Variants in SUPT16H observed in about 807,000 individuals in gnomAD.
The protein encoded by SUPT16H is SPT16 homolog, facilitates chromatin remodeling subunit.
A neutral mutation model predicts 136.2 loss-of-function variants in SUPT16H; 24 were observed. The observed-to-expected ratio is 0.18, with a 90% CI of 0.13 to 0.25. SUPT16H has a LOEUF of 0.25. Ranked by LOEUF, SUPT16H falls within the 10% of genes least tolerant of loss-of-function variation. The pLI, the probability that SUPT16H is intolerant of heterozygous loss-of-function variation, is 1.00. For missense variants in SUPT16H, 623 were observed against 1,270.2 expected (o/e 0.49, Z 7.74); for synonymous variants, 415 against 428.2 (o/e 0.97, Z 0.38).
intron 1 of SUPT16H, among the ~76,000 whole-genome samples, chr14:21,379,926 A>G (rs1468573854): frequency 2.0e-5 from 3 of 151,928 alleles, no homozygotes; most frequent in Non-Finnish European, 4.4e-5. Context: ...ACCTTTCTCT[A>G]TCCCACTCCA....
At chr14:21,370,164 GAAGA>G (rs1380243170) in intron 4 of SUPT16H, among the ~76,000 whole-genome samples, 168 bp downstream of exon 4, 3 of 152,128 alleles carry the variant, frequency 2.0e-5, no homozygotes, top group Admixed American at 6.5e-5. Context: ...AAGGCAGATA[GAAGA>G]AAGGCAGGGA....
In SUPT16H at chr14:21,369,927, T is replaced by A. The variant is rs1201960506; in HGVS notation, c.484-31A>T. The A allele has an allele frequency of 2.5e-6, 4 of 1,608,702 alleles. No homozygotes were observed. The South Asian group carries it at 4.4e-5, about 18-fold the overall frequency. On this transcript the variant is annotated intron_variant, in intron 4 of 25. Coordinates refer to ENST00000216297, the MANE Select transcript of SUPT16H (RefSeq NM_007192.4). Reference sequence around the variant, plus strand: ...GTCAAAGTGACAAGAGTTTCTAACATGCAAGTACAGAATTACAAAATAAAT... The same window carrying A: ...GTCAAAGTGACAAGAGTTTCTAACAAGCAAGTACAGAATTACAAAATAAAT...
At chr14:21,370,695 C>G (rs895450728) in intron 3 of SUPT16H, among the ~76,000 whole-genome samples, 2 of 152,142 alleles carry the variant, frequency 1.3e-5, no homozygotes, top group Non-Finnish European at 2.9e-5. Context: ...CTTACTGCAA[C>G]CTCGAACTCC....
intron 6 of SUPT16H, 30 bp from the exon 7 acceptor site, chr14:21,368,471 C>T: frequency 6.4e-7 from 1 of 1,574,640 alleles, no homozygotes; most frequent in South Asian, 1.2e-5. Flanking sequence ...GAAAACATTT[C>T]ATTACCAAAA....
chr14:21,383,720 T>C (rs1297835430), intron 1 of SUPT16H, 142 bp downstream of exon 1: 1 of 929,254 alleles, frequency 1.1e-6, no homozygotes, highest in Admixed American at 1.9e-5. Flanking sequence ...CCGCCTCCGG[T>C]GAATGATTCG....
intron 22 of SUPT16H, among the ~76,000 whole-genome samples, chr14:21,356,169 AAG>A (rs1411327018): frequency 2.0e-5 from 3 of 152,166 alleles, no homozygotes; most frequent in African/African-American, 7.2e-5. Context: ...TACAGGAAGG[AAG>A]AGTTTCCCAG....
At chr14:21,360,388 G>A in intron 18 of SUPT16H, 27 bp downstream of exon 18, 1 of 1,519,492 alleles carries the variant, frequency 6.6e-7, no homozygotes, top group Non-Finnish European at 9.1e-7. Flanking sequence ...CCCAAGAGCT[G>A]ACAGCTAGTT....
chr14:21,354,633 C>T (rs141728466), intron 22 of SUPT16H, 93 bp from the exon 23 acceptor site: 31,317 of 1,492,266 alleles, frequency 0.021, 385 homozygotes, highest in Non-Finnish European at 0.024. Context: ...GCTCTGTTGC[C>T]CAGGCTGGAG....
Position 21,369,772 on chromosome 14 carries a change from A to G in SUPT16H, c.608T>C (p.Met203Thr). ...TACCTCATCTGCATCAACTATTTCCATGACTCTTTCCTTGAAGAATTTGTT... is the reference window on the plus strand; with the variant it reads ...TACCTCATCTGCATCAACTATTTCCGTGACTCTTTCCTTGAAGAATTTGTT... ...VFNKFFKERVMEIVDADEKVR... is the reference protein window; with the variant it reads ...VFNKFFKERVTEIVDADEKVR... The change falls in exon 5 of 26, where the codon ATG becomes ACG. Residue 203 changes from methionine to threonine, a missense_variant. Around this residue, in one of 7 missense-constraint regions of SUPT16H, gnomAD observed 343 missense variants for 525.7 expected, o/e 0.65. Transcript: ENST00000216297. The G allele has an allele frequency of 1.2e-6, 2 of 1,614,026 alleles. No individual in the cohort carries two copies. The highest frequency in any genetic ancestry group is 1.7e-6 in the Non-Finnish European group (2 of 1,179,924).
chr14:21,373,058 C>T (rs1002780971), intron 2 of SUPT16H, among the ~76,000 whole-genome samples: 1 of 152,292 alleles, frequency 6.6e-6, no homozygotes, highest in Non-Finnish European at 1.5e-5. Flanking sequence ...ATCCTCCCAT[C>T]TCAGCCTCCT....
Position 21,361,070 on chromosome 14 carries a change from A to G in SUPT16H, c.1929+8T>C, listed in dbSNP as rs1020124246. 6 of 1,613,362 alleles carry G rather than the reference A, an allele frequency of 3.7e-6. No individual in the cohort carries two copies. The highest frequency in any genetic ancestry group is 1.7e-5 in the Admixed American group (1 of 59,740). On this transcript the variant is annotated splice_region_variant and intron_variant, in intron 16 of 25. Transcript: ENST00000216297. ...GTGTAAGAATGTTTTGCCTGTGTTC[A>G]GGCTCACCTCCTTCTCTTTCTCTTC...
chr14:21,383,792 C>T (rs776916065), intron 1 of SUPT16H, 70 bp downstream of exon 1: 3 of 1,560,270 alleles, frequency 1.9e-6, no homozygotes, highest in Non-Finnish European at 1.8e-6. Context: ...GAAAAAAGGG[C>T]GCCGAGAAAC....
At chr14:21,377,211 A>G (rs547188585) in intron 1 of SUPT16H, among the ~76,000 whole-genome samples, 1 of 152,350 alleles carries the variant, frequency 6.6e-6, no homozygotes, top group East Asian at 1.9e-4. Flanking sequence ...ATAATGCACC[A>G]TCCTAGGACT....
Position 21,367,138 on chromosome 14 carries a change from G to A in SUPT16H, c.956-609C>T, listed in dbSNP as rs148186639. Among the ~76,000 whole-genome samples the A allele has an allele frequency of 1.3e-3, 197 of 152,212 alleles. 1 individual carries two copies. The highest frequency in any genetic ancestry group is 1.6e-3 in the Admixed American group (25 of 15,286). On this transcript the variant is annotated intron_variant, in intron 7 of 25. Coordinates refer to ENST00000216297, the MANE Select transcript of SUPT16H (RefSeq NM_007192.4). ...TTGTATTTTTAGTAGATGGGGTTTC[G>A]CCGTGTTAGCCAGGATGGTCCTGAC...
intron 16 of SUPT16H, 43 bp downstream of exon 16, chr14:21,361,035 G>A (rs1886539964): frequency 6.2e-7 from 1 of 1,610,884 alleles, no homozygotes; most frequent in South Asian, 1.1e-5. Context: ...AAAAATACAT[G>A]TCCTTCTTTG....
chr14:21,355,064 C>T (rs1886397584), intron 22 of SUPT16H: 1 of 152,710 alleles, frequency 6.5e-6, no homozygotes, highest in Admixed American at 6.5e-5. Flanking sequence ...CACCAATTTC[C>T]CTCTTCTTCA....
chr14:21,366,659 T>TTTTC, intron 7 of SUPT16H, 130 bp from the exon 8 acceptor site: 3 of 783,230 alleles, frequency 3.8e-6, no homozygotes, highest in East Asian at 5.2e-5. Flanking sequence ...CCACTCACTT[T>TTTTC]TTTTTTTTGA....
In SUPT16H at chr14:21,360,941, T is replaced by C. The variant is rs762249289; in HGVS notation, c.1961A>G (p.Asn654Ser). The C allele has an allele frequency of 1.9e-5, 30 of 1,614,050 alleles. No individual in the cohort carries two copies. The highest frequency in any genetic ancestry group is 4.0e-5 in the African/African-American group (3 of 74,932). The change falls in exon 17 of 26, where the codon AAT (asparagine) becomes AGT (serine). Residue 654 changes from asparagine to serine, a missense_variant. By Grantham distance (46) the Asn-to-Ser change is conservative (BLOSUM62 1). Coordinates refer to ENST00000216297, the MANE Select transcript of SUPT16H (RefSeq NM_007192.4). ...CAGTTTCGGATTACTCCGGTTTAGA[T>C]TGATCACCAGTGAGTCTTGTTTTAC... ...GIVKQDSLVI[N>S]LNRSNPKLKD...
At chr14:21,358,157 T>G in intron 20 of SUPT16H, 155 bp from the exon 21 acceptor site, 1 of 807,446 alleles carries the variant, frequency 1.2e-6, no homozygotes, top group South Asian at 1.8e-5. Flanking sequence ...GCCACTCACC[T>G]AAACCCTTAA....
Sources: allele counts gnomAD v4.1 joint callset (sites outside exome capture counted in the v4.1 genomes callset), GRCh38; gene constraint gnomAD v4.1.1; regional missense constraint gnomAD v4.1.1; transcripts MANE v1.5; gene names NCBI Gene and HGNC (gene_info 2026-07-23, HGNC 2026-07-21).